Variants in TUSC3 observed in about 807,000 individuals in gnomAD.
TUSC3 encodes dolichyl-diphosphooligosaccharide--protein glycosyltransferase subunit TUSC3.
A neutral mutation model predicts 44.8 loss-of-function variants in TUSC3; 45 were observed. That is an observed-to-expected ratio of 1.00 (90% confidence interval 0.79 to 1.29). TUSC3 has a LOEUF of 1.29. Among genes scored for constraint, TUSC3 ranks in the 50% most tolerant of loss-of-function variants. TUSC3 has a pLI of 0.00. For missense variants in TUSC3, 519 were observed against 437.9 expected (o/e 1.19, Z -1.65); for synonymous variants, 212 against 152.9 (o/e 1.39, Z -2.85).
intron 6 of TUSC3, among the ~76,000 whole-genome samples, chr8:15,719,510 CACACACCACA>C (rs1282382600): frequency 7.8e-5 from 3 of 38,264 alleles, no homozygotes; most frequent in African/African-American, 3.9e-4. Context: ...CACACACACA[CACACACCACA>C]CACACACACA....
chr8:15,815,635 T>C, the TUSC3 span, among the ~76,000 whole-genome samples: 1 of 152,104 alleles, frequency 6.6e-6, no homozygotes, highest in Admixed American at 6.6e-5. Flanking sequence ...CTTTACCTAT[T>C]CCCAGGGCAA....
chr8:15,571,204 T>C (rs1432599832), intron 1 of TUSC3, among the ~76,000 whole-genome samples: 1 of 151,960 alleles, frequency 6.6e-6, no homozygotes, highest in Non-Finnish European at 1.5e-5. Context: ...TCCACCTGCC[T>C]CGGCCTCCCA....
intron 2 of TUSC3, among the ~76,000 whole-genome samples, chr8:15,642,183 A>T (rs1042636243): frequency 6.6e-6 from 1 of 152,214 alleles, no homozygotes; most frequent in African/African-American, 2.4e-5. Context: ...GTTGCTTGTC[A>T]TGGAATTTTG....
intron 5 of TUSC3, among the ~76,000 whole-genome samples, chr8:15,664,736 T>C (rs2729619): frequency 0.13 from 19,406 of 149,446 alleles, 2,311 homozygotes; most frequent in African/African-American, 0.32. Flanking sequence ...GAGATACTTA[T>C]GTTTGATGGC....
rs1406082472 is a variant in TUSC3 at position 15,540,508 on chromosome 8, C to G, written c.78C>G (p.Pro26=). Residue 26 remains proline, a synonymous_variant, in exon 1 of 11, where the codon CCC becomes CCG. Transcript: ENST00000503731. ...RLRYLPTGSF[P]FLLLLLLLCI... ...GGTACCTGCCCACCGGGAGCTTTCC[C>G]TTCCTTCTCCTGCTGCTGCTGCTCT... The G allele has an allele frequency of 1.9e-6, 3 of 1,608,406 alleles. No homozygotes were observed. In the African/African-American group the frequency reaches 4.0e-5, roughly 22 times the overall value.
At chr8:15,461,089 A>T (rs1800338241) in intron 1 of TUSC3, among the ~76,000 whole-genome samples, 1 of 152,066 alleles carries the variant, frequency 6.6e-6, no homozygotes, top group Non-Finnish European at 1.5e-5. Flanking sequence ...TTTGATGGGG[A>T]TTGCATTGAA....
chr8:15,572,335 T>G (rs1292922252), intron 1 of TUSC3, among the ~76,000 whole-genome samples: 1 of 152,206 alleles, frequency 6.6e-6, no homozygotes, highest in Non-Finnish European at 1.5e-5. Context: ...CTGCCAGCTT[T>G]AAATTTTTCT....
At chr8:15,712,051 C>A (rs993482837) in intron 6 of TUSC3, among the ~76,000 whole-genome samples, 1 of 151,686 alleles carries the variant, frequency 6.6e-6, no homozygotes, top group Non-Finnish European at 1.5e-5. Context: ...TGCACAGTTT[C>A]GTCACATAAT....
At chr8:15,506,470 C>T (rs901057894) in intron 2 of TUSC3, among the ~76,000 whole-genome samples, 5 of 152,160 alleles carry the variant, frequency 3.3e-5, no homozygotes, top group Non-Finnish European at 5.9e-5. Context: ...CTTGTATTAG[C>T]TCATTTTCAT....
At chr8:15,809,583 A>G in the TUSC3 span, among the ~76,000 whole-genome samples, 2 of 152,214 alleles carry the variant, frequency 1.3e-5, no homozygotes, top group South Asian at 4.1e-4. Flanking sequence ...AGTCTAGTTT[A>G]TCAATTAGGC....
intron 1 of TUSC3, among the ~76,000 whole-genome samples, chr8:15,556,635 TC>T (rs1563288038): frequency 6.8e-6 from 1 of 146,122 alleles, no homozygotes; most frequent in Admixed American, 6.9e-5. Flanking sequence ...GTAAAAGTGT[TC>T]CTCTTTCTCC....
intron 1 of TUSC3, among the ~76,000 whole-genome samples, chr8:15,561,836 T>G (rs1404399158): frequency 2.0e-5 from 3 of 152,104 alleles, no homozygotes; most frequent in Admixed American, 6.5e-5. Flanking sequence ...GCTTCCCAAG[T>G]GAGGCAATGC....
chr8:15,614,272 C>T (rs1804891434), intron 1 of TUSC3, among the ~76,000 whole-genome samples: 1 of 151,986 alleles, frequency 6.6e-6, no homozygotes, highest in Non-Finnish European at 1.5e-5. Context: ...GGATGAGGCT[C>T]ACTTATGCCC....
downstream of TUSC3, among the ~76,000 whole-genome samples, chr8:15,767,898 C>T (rs763033016): frequency 1.3e-5 from 2 of 152,130 alleles, no homozygotes; most frequent in Non-Finnish European, 2.9e-5. Flanking sequence ...TAGTGAAATA[C>T]TTTGGAGAAT....
At chr8:15,705,916 C>T (rs1427738091) in intron 6 of TUSC3, among the ~76,000 whole-genome samples, 6 of 151,980 alleles carry the variant, frequency 3.9e-5, no homozygotes, top group South Asian at 4.1e-4. Context: ...TGTGCTGTGA[C>T]GTAACAGAGG....
intron 2 of TUSC3, among the ~76,000 whole-genome samples, chr8:15,499,230 C>G (rs892826289): frequency 6.6e-6 from 1 of 152,124 alleles, no homozygotes; most frequent in African/African-American, 2.4e-5. Context: ...TCTCTCTTAC[C>G]TGAAATTATT....
chr8:15,779,098 CTTTT>C, the TUSC3 span, among the ~76,000 whole-genome samples: 15 of 111,832 alleles, frequency 1.3e-4, no homozygotes, highest in Admixed American at 6.1e-4. Context: ...CGAATGTTTT[CTTTT>C]TTTTTTTTTT....
intron 9 of TUSC3, among the ~76,000 whole-genome samples, chr8:15,751,774 A>G (rs1811715871): frequency 6.6e-6 from 1 of 152,206 alleles, no homozygotes; most frequent in Non-Finnish European, 1.5e-5. Context: ...TGCAGGATAG[A>G]TCTTTGATCC....
At chr8:15,526,920 T>G (rs1801380441) in intron 2 of TUSC3, among the ~76,000 whole-genome samples, 1 of 152,192 alleles carries the variant, frequency 6.6e-6, no homozygotes, top group African/African-American at 2.4e-5. Flanking sequence ...CACCATTTGA[T>G]GTTGAAGAGG....
Sources: allele counts gnomAD v4.1 joint callset (sites outside exome capture counted in the v4.1 genomes callset), GRCh38; gene constraint gnomAD v4.1.1; transcripts MANE v1.5; gene names NCBI Gene and HGNC (gene_info 2026-07-23, HGNC 2026-07-21).